Variants in KCNIP4 observed in about 807,000 individuals in gnomAD.
KCNIP4 encodes Kv channel-interacting protein 4.
In KCNIP4, 12 loss-of-function variants were observed where a neutral mutation model predicts 34.0. That is an observed-to-expected ratio of 0.35 (90% CI 0.23 to 0.57). The LOEUF is 0.57. Among genes scored for constraint, KCNIP4 ranks in the 20% least tolerant of loss-of-function variants. The pLI, the probability that KCNIP4 is intolerant of heterozygous loss-of-function variation, is 0.83. For synonymous variants in KCNIP4, 124 were observed against 102.2 expected, an observed-to-expected ratio of 1.21 and a Z score of -1.29; for missense variants, 238 against 311.7, an observed-to-expected ratio of 0.76 and a Z score of 1.78.
At chr4:21,337,198 G>T (rs371696570) in intron 1 of KCNIP4, among the ~76,000 whole-genome samples, 8 of 152,024 alleles carry the variant, frequency 5.3e-5, no homozygotes, top group African/African-American at 1.7e-4. Flanking sequence ...GAGAAGATGA[G>T]GCCAGTTATA....
chr4:20,781,586 T>C (rs1487749631), intron 3 of KCNIP4, among the ~76,000 whole-genome samples: 1 of 152,258 alleles, frequency 6.6e-6, no homozygotes, highest in African/African-American at 2.4e-5. Context: ...GATGAAAGAA[T>C]GAAACCTGAT....
intron 2 of KCNIP4, among the ~76,000 whole-genome samples, chr4:20,882,047 G>A (rs1724749770): frequency 6.6e-6 from 1 of 152,182 alleles, no homozygotes. Context: ...GTGTATGTAT[G>A]TATATGATAT....
chr4:21,583,892 G>T (rs1446131268), intron 1 of KCNIP4, among the ~76,000 whole-genome samples: 2 of 151,954 alleles, frequency 1.3e-5, no homozygotes, highest in Non-Finnish European at 2.9e-5. Flanking sequence ...TTCATTATAA[G>T]ATTTTTTGTG....
chr4:21,531,550 A>AT (rs1158835358), intron 1 of KCNIP4, among the ~76,000 whole-genome samples: 1 of 151,534 alleles, frequency 6.6e-6, no homozygotes, highest in East Asian at 2.0e-4. Context: ...TAATTTTTGT[A>AT]TTTTTTAGTA....
At chr4:21,123,597 AAAT>A (rs1395132629) in intron 1 of KCNIP4, among the ~76,000 whole-genome samples, 2 of 152,256 alleles carry the variant, frequency 1.3e-5, no homozygotes, top group African/African-American at 2.4e-5. Context: ...TAATTTATTA[AAAT>A]AATGATATAA....
intron 1 of KCNIP4, among the ~76,000 whole-genome samples, chr4:21,173,961 C>G: frequency 6.6e-6 from 1 of 152,166 alleles, no homozygotes; most frequent in South Asian, 2.1e-4. Flanking sequence ...CACTCCTTTC[C>G]TGCTAATACC....
rs371035490 is a variant in KCNIP4 at position 21,533,536 on chromosome 4, T to C, written c.61+415035A>G. Among the ~76,000 whole-genome samples, 240 of 152,196 alleles carry C rather than the reference T, an allele frequency of 1.6e-3. 10 individuals carry two copies. The South Asian group carries it at 0.043, about 27-fold the overall frequency. On this transcript the variant is annotated intron_variant, in intron 1 of 8. Transcript: ENST00000382152. ...TTATTTCCAACACAAATTAAATAAG[T>C]CACAAGAAGGTATCATGATCAAGGA...
chr4:21,534,085 A>G (rs1736954359), intron 1 of KCNIP4, among the ~76,000 whole-genome samples: 1 of 152,214 alleles, frequency 6.6e-6, no homozygotes, highest in African/African-American at 2.4e-5. Context: ...TCACCATCTC[A>G]GTGCCTCAGT....
intron 3 of KCNIP4, among the ~76,000 whole-genome samples, chr4:20,790,642 C>T (rs1293447485): frequency 6.6e-6 from 1 of 151,986 alleles, no homozygotes; most frequent in Non-Finnish European, 1.5e-5. Flanking sequence ...AATCAGGATC[C>T]CTATTATGAC....
chr4:20,930,165 G>T (rs1422649912), intron 1 of KCNIP4, among the ~76,000 whole-genome samples: 1 of 151,942 alleles, frequency 6.6e-6, no homozygotes, highest in Non-Finnish European at 1.5e-5. Flanking sequence ...TATACAAATG[G>T]CATGAAAACG....
intron 1 of KCNIP4, among the ~76,000 whole-genome samples, chr4:21,275,691 C>T (rs1235146277): frequency 6.6e-6 from 1 of 152,204 alleles, no homozygotes; most frequent in African/African-American, 2.4e-5. Context: ...AAACTCAGTT[C>T]TCTTTGCTAT....
At chr4:21,477,541 T>G (rs998568810) in intron 1 of KCNIP4, among the ~76,000 whole-genome samples, 1 of 152,270 alleles carries the variant, frequency 6.6e-6, no homozygotes, top group African/African-American at 2.4e-5. Context: ...GATAAGCGTA[T>G]CATGGGGGCA....
chr4:21,560,254 T>C (rs903168638), intron 1 of KCNIP4, among the ~76,000 whole-genome samples: 1 of 152,118 alleles, frequency 6.6e-6, no homozygotes, highest in Non-Finnish European at 1.5e-5. Flanking sequence ...GCCATTCCAA[T>C]TGTAAAATGA....
intron 1 of KCNIP4, among the ~76,000 whole-genome samples, chr4:21,346,142 T>C (rs1288553937): frequency 8.9e-6 from 1 of 112,400 alleles, no homozygotes; most frequent in African/African-American, 3.3e-5. Flanking sequence ...CCTGAGTGTG[T>C]ATATATATAA....
At chr4:21,491,606 C>T (rs951903654) in intron 1 of KCNIP4, among the ~76,000 whole-genome samples, 4 of 152,084 alleles carry the variant, frequency 2.6e-5, no homozygotes, top group African/African-American at 9.7e-5. Context: ...ATCCTGGGCT[C>T]AAGCAATCCT....
chr4:21,312,914 T>C (rs1469713981), intron 1 of KCNIP4, among the ~76,000 whole-genome samples: 1 of 152,216 alleles, frequency 6.6e-6, no homozygotes, highest in Non-Finnish European at 1.5e-5. Flanking sequence ...GCAGCCATCT[T>C]AATAGCCAAG....
chr4:21,459,668 A>T (rs895150440), intron 1 of KCNIP4, among the ~76,000 whole-genome samples: 1 of 151,950 alleles, frequency 6.6e-6, no homozygotes, highest in Non-Finnish European at 1.5e-5. Flanking sequence ...CTTACTCCCA[A>T]ATATGCTCCT....
At chr4:21,237,272 T>G (rs1031967632) in intron 1 of KCNIP4, among the ~76,000 whole-genome samples, 2 of 152,156 alleles carry the variant, frequency 1.3e-5, no homozygotes, top group African/African-American at 4.8e-5. Flanking sequence ...GACAAGGTGC[T>G]TGTCTCATGG....
At chr4:20,842,459 T>G (rs942355394) in intron 3 of KCNIP4, among the ~76,000 whole-genome samples, 2 of 151,972 alleles carry the variant, frequency 1.3e-5, no homozygotes, top group Admixed American at 6.6e-5. Flanking sequence ...GCCTGGCTGA[T>G]CGTGAACTAG....
Sources: allele counts gnomAD v4.1 joint callset (sites outside exome capture counted in the v4.1 genomes callset), GRCh38; gene constraint gnomAD v4.1.1; transcripts MANE v1.5; gene names NCBI Gene and HGNC (gene_info 2026-07-23, HGNC 2026-07-21).